Variants in ANXA7 observed in about 807,000 individuals in gnomAD.
The protein encoded by ANXA7 is annexin VII.
A neutral mutation model predicts 64.9 loss-of-function variants in ANXA7; 55 were observed. The observed-to-expected ratio is 0.85, with a 90% CI of 0.68 to 1.06. The LOEUF (loss-of-function observed/expected upper bound fraction) is 1.06. ANXA7 is among the 50% of genes least tolerant of loss of function. ANXA7 has a pLI of 0.00. For synonymous variants in ANXA7, 200 were observed against 192.4 expected (o/e 1.04, Z -0.33); for missense variants, 548 against 582.1 (o/e 0.94, Z 0.60).
intron 1 of ANXA7, among the ~76,000 whole-genome samples, chr10:73,409,544 C>G (rs528564621): frequency 1.3e-5 from 2 of 152,322 alleles, no homozygotes; most frequent in South Asian, 4.1e-4. Context: ...AAACTCATCC[C>G]ATGCTCATGG....
chr10:73,402,848 G>A (rs953425313), intron 1 of ANXA7, among the ~76,000 whole-genome samples: 65 of 147,128 alleles, frequency 4.4e-4, no homozygotes, highest in African/African-American at 1.6e-3. Flanking sequence ...TTTTTGAGTC[G>A]GAGTCTGACT....
intron 1 of ANXA7, among the ~76,000 whole-genome samples, chr10:73,404,413 A>AT (rs1479358255): frequency 6.6e-6 from 1 of 152,188 alleles, no homozygotes; most frequent in Non-Finnish European, 1.5e-5. Flanking sequence ...AGACATTACT[A>AT]TTTTTTTGGT....
chr10:73,407,874 G>C (rs565163722), intron 1 of ANXA7, among the ~76,000 whole-genome samples: 5 of 152,310 alleles, frequency 3.3e-5, no homozygotes, highest in South Asian at 2.1e-4. Context: ...AACATAAAAT[G>C]ATATGAAAAC....
chr10:73,397,069 G>T, intron 4 of ANXA7, 95 bp downstream of exon 4: 1 of 500,542 alleles, frequency 2.0e-6, no homozygotes, highest in Non-Finnish European at 3.5e-6. Flanking sequence ...AACATTTATT[G>T]CAGATTATCT....
At chr10:73,413,800 G>A (rs2055881006) in intron 1 of ANXA7, among the ~76,000 whole-genome samples, 2 of 152,204 alleles carry the variant, frequency 1.3e-5, no homozygotes, top group South Asian at 4.1e-4. Flanking sequence ...CTTCCCGTAA[G>A]CCAGGCCGGC....
At position 73,380,253 on chromosome 10, in the gene ANXA7, AT is replaced by A. The variant is rs562154390; in HGVS notation, c.919-53del. ...AAGAAATAAATAATAGTTCTACTAA[AT>A]TTTTTTTTTCCAATCTAGTTCACTT... On this transcript the variant is annotated intron_variant, in intron 9 of 12. Transcript: ENST00000372921. 1,459 of 1,493,804 alleles carry A rather than the reference AT, an allele frequency of 9.8e-4. 6 individuals carry two copies. Among genetic ancestry groups the A allele is most frequent in the South Asian group, 9.0e-3 (700 of 77,840 alleles). The allele number at this position is 1,493,804 out of a possible 1,614,324, so 92.5% of individuals were successfully genotyped here.
rs16930540 is a variant in ANXA7 at position 73,385,376 on chromosome 10, A to G, written c.634-1686T>C. Reference sequence around the variant, plus strand: ...CTACTGGAATATTTAGTTAAGAGGTAATAAAGTCTTGGACTTGAATGGTAA... The same window carrying G: ...CTACTGGAATATTTAGTTAAGAGGTGATAAAGTCTTGGACTTGAATGGTAA... On this transcript the variant is annotated intron_variant, in intron 7 of 12. Coordinates refer to ENST00000372921, the MANE Select transcript of ANXA7 (RefSeq NM_001156.5). 6.2e-3 allele frequency among the ~76,000 whole-genome samples: 952 copies of G among 152,338 alleles called. 13 individuals are homozygous for G. Among genetic ancestry groups the G allele is most frequent in the African/African-American group, 0.022 (902 of 41,586 alleles).
At chr10:73,395,801 A>AT in intron 5 of ANXA7, 1 of 538,354 alleles carries the variant, frequency 1.9e-6, no homozygotes, top group Non-Finnish European at 3.4e-6. Flanking sequence ...AAAAAAAAAA[A>AT]GAAGCCATAC....
At chr10:73,383,367 T>A (rs141644614) in intron 8 of ANXA7, 22 bp from the exon 9 acceptor site, 1 of 1,578,190 alleles carries the variant, frequency 6.3e-7, no homozygotes, top group African/African-American at 1.4e-5. Flanking sequence ...GAAGGGAAGA[T>A]TATACAAAGA....
chr10:73,399,333 T>G (rs1171053394), intron 2 of ANXA7, among the ~76,000 whole-genome samples: 1 of 152,256 alleles, frequency 6.6e-6, no homozygotes, highest in Non-Finnish European at 1.5e-5. Context: ...TAGCCTACAC[T>G]GACTGAAATA....
intron 5 of ANXA7, among the ~76,000 whole-genome samples, chr10:73,394,029 C>T (rs2055529859): frequency 1.3e-5 from 2 of 152,112 alleles, no homozygotes; most frequent in Admixed American, 6.6e-5. Flanking sequence ...AATCAAACAA[C>T]CCCATCAAAA....
chr10:73,402,251 C>A (rs113505991), intron 1 of ANXA7, among the ~76,000 whole-genome samples: 1 of 151,918 alleles, frequency 6.6e-6, no homozygotes, highest in African/African-American at 2.4e-5. Flanking sequence ...TATAGTGGCA[C>A]AATCACAGCT....
Position 73,376,050 on chromosome 10 carries a change from G to A in ANXA7, c.*45C>T. 1.4e-6 allele frequency: 2 copies of A among 1,475,516 alleles called. No individual in the cohort carries two copies. The highest frequency in any genetic ancestry group is 1.4e-5 in the South Asian group (1 of 72,312). The allele number at this position is 1,475,516 out of a possible 1,614,324, so 91.4% of individuals were successfully genotyped here. Reference sequence around the variant, plus strand: ...TGCAGGTCATTGCTCTGAAGGATAAGCTATGAATAGAAATTTTTTTTCATT... The same window carrying A: ...TGCAGGTCATTGCTCTGAAGGATAAACTATGAATAGAAATTTTTTTTCATT... On this transcript the variant is annotated 3_prime_UTR_variant, in exon 13 of 13. Transcript: ENST00000372921.
chr10:73,381,265 A>G (rs367925265), intron 9 of ANXA7, among the ~76,000 whole-genome samples: 441 of 152,290 alleles, frequency 2.9e-3, no homozygotes, highest in African/African-American at 9.5e-3. Context: ...AATGACACAT[A>G]AGCTTTACAG....
rs957959117 is a variant in ANXA7, at chr10:73,397,811, G to GT, written c.259+369dup. On this transcript the variant is annotated intron_variant, in intron 3 of 12. Coordinates refer to ENST00000372921, the MANE Select transcript of ANXA7 (RefSeq NM_001156.5). ...TAACTTAAAATACAAAAGGGCTAAG[G>GT]TTTTTTTGTTGTTTTTTGGGGTCTT... Among the ~76,000 whole-genome samples, 19 of 152,198 alleles carry GT rather than the reference G, an allele frequency of 1.2e-4. 1 individual carries two copies. In the East Asian group the frequency reaches 1.4e-3, roughly 11 times the overall value.
chr10:73,400,906 T>C, intron 1 of ANXA7, 49 bp from the exon 2 acceptor site: 1 of 1,495,868 alleles, frequency 6.7e-7, no homozygotes, highest in Non-Finnish European at 9.1e-7. Context: ...GTTGTTTTGT[T>C]TTGTTTTGTT....
At chr10:73,386,604 G>A (rs1482392952) in intron 7 of ANXA7, among the ~76,000 whole-genome samples, 1 of 152,178 alleles carries the variant, frequency 6.6e-6, no homozygotes, top group East Asian at 1.9e-4. Context: ...AAGGCCAGGA[G>A]AATGGCATGT....
chr10:73,405,456 T>C (rs1358524736), intron 1 of ANXA7, among the ~76,000 whole-genome samples: 1 of 151,846 alleles, frequency 6.6e-6, no homozygotes, highest in African/African-American at 2.4e-5. Flanking sequence ...GCAGAATTGC[T>C]TGAACCCAGG....
At chr10:73,396,879 G>T (rs535517144) in intron 4 of ANXA7, among the ~76,000 whole-genome samples, 4 of 152,228 alleles carry the variant, frequency 2.6e-5, no homozygotes, top group African/African-American at 9.6e-5. Flanking sequence ...AGTTCTGGGG[G>T]TGGTTTTACT....
Sources: gnomAD v4.1 joint callset for allele counts (sites outside exome capture counted in the v4.1 genomes callset) on GRCh38, gnomAD v4.1.1 for gene constraint, MANE v1.5 for transcripts, NCBI Gene and HGNC (gene_info 2026-07-23, HGNC 2026-07-21) for gene names.